The following CEP120 variants were observed in gnomAD, a reference collection of about 807,000 sequenced individuals.
CEP120 encodes the protein centrosomal protein 120.
Under a neutral mutation model 126.5 loss-of-function variants are expected in CEP120, and 113 were observed. The observed-to-expected ratio is 0.89, with a 90% confidence interval of 0.77 to 1.04. CEP120 has a LOEUF of 1.04. Ranked by LOEUF, CEP120 falls within the 50% of genes least tolerant of loss-of-function variation. The pLI, the probability that CEP120 is intolerant of heterozygous loss-of-function variation, is 0.00. For synonymous variants in CEP120, 400 were observed against 394.3 expected (o/e 1.01, Z -0.17); for missense variants, 1,230 against 1,155.7 (o/e 1.06, Z -0.93).
chr5:123,413,914 C>G (rs12152983), intron 3 of CEP120, among the ~76,000 whole-genome samples: 61,287 of 151,996 alleles, frequency 0.4, 12,412 homozygotes, highest in East Asian at 0.47. Context: ...AAAAATAAAT[C>G]TGGATTTTTT....
chr5:123,380,387 T>C (rs1771553399), intron 14 of CEP120, among the ~76,000 whole-genome samples: 1 of 152,104 alleles, frequency 6.6e-6, no homozygotes, highest in Non-Finnish European at 1.5e-5. Flanking sequence ...CTTTATCATA[T>C]GACTAATTTG....
chr5:123,387,730 G>C (rs988669490), intron 9 of CEP120, among the ~76,000 whole-genome samples: 2 of 151,976 alleles, frequency 1.3e-5, no homozygotes, highest in African/African-American at 4.8e-5. Context: ...TTTATGAGGA[G>C]ATGCTAACTA....
intron 4 of CEP120, among the ~76,000 whole-genome samples, chr5:123,407,585 C>A (rs552954857): frequency 1.3e-5 from 2 of 152,202 alleles, no homozygotes; most frequent in South Asian, 2.1e-4. Context: ...ATACATGCAG[C>A]AAAAACTAAC....
At chr5:123,354,354 T>C (rs1769411976) in intron 18 of CEP120, among the ~76,000 whole-genome samples, 1 of 152,130 alleles carries the variant, frequency 6.6e-6, no homozygotes, top group Non-Finnish European at 1.5e-5. Flanking sequence ...CCATGTGCAC[T>C]AGAAAATAGT....
intron 1 of CEP120, 106 bp from the exon 2 acceptor site, chr5:123,418,621 G>A: frequency 1.1e-6 from 1 of 913,894 alleles, no homozygotes; most frequent in Non-Finnish European, 1.6e-6. Flanking sequence ...TTTTGAGATG[G>A]AGTCTTACTC....
In CEP120 at chr5:123,412,538, T is replaced by G. The variant is rs764578251; in HGVS notation, c.324A>C (p.Ala108=). ...TACTCAGCAACTGGTACCATTTTGGTGCCTAGAGAATAATAAAATAACAAA... is the reference window on the plus strand; with the variant it reads ...TACTCAGCAACTGGTACCATTTTGGGGCCTAGAGAATAATAAAATAACAAA... The part of the protein sequence containing the change: ...DLRTAQETKQ[A]PKWYQLLSNK... Residue 108 remains alanine, a splice_region_variant and synonymous_variant, in exon 4 of 20, where the codon GCA becomes GCC. Coordinates refer to ENST00000306467, the MANE Select transcript of CEP120 (RefSeq NM_001375405.1). The G allele has an allele frequency of 4.4e-6, 7 of 1,592,604 alleles. No homozygotes were observed. The South Asian group carries it at 5.8e-5, about 13-fold the overall frequency.
intron 1 of CEP120, 118 bp downstream of exon 1, chr5:123,422,832 G>T: frequency 2.0e-6 from 2 of 978,398 alleles, no homozygotes; most frequent in Non-Finnish European, 3.3e-6. Context: ...GAACAAGTCT[G>T]TGGGGACCAC....
At chr5:123,378,772 T>A (rs537579190) in intron 14 of CEP120, among the ~76,000 whole-genome samples, 1 of 152,194 alleles carries the variant, frequency 6.6e-6, no homozygotes, top group African/African-American at 2.4e-5. Flanking sequence ...GCATATGTAG[T>A]GTAAGCAACT....
intron 4 of CEP120, among the ~76,000 whole-genome samples, chr5:123,400,471 G>A (rs1417210372): frequency 1.3e-5 from 2 of 152,056 alleles, no homozygotes; most frequent in African/African-American, 2.4e-5. Flanking sequence ...ACAGGGAAGG[G>A]AGTTACAAAT....
At chr5:123,374,083 A>T (rs1157245005) in intron 16 of CEP120, among the ~76,000 whole-genome samples, 1 of 152,114 alleles carries the variant, frequency 6.6e-6, no homozygotes, top group African/African-American at 2.4e-5. Flanking sequence ...AATAAAAATA[A>T]GCTCAATTTT....
intron 4 of CEP120, chr5:123,402,096 T>C (rs1773288343): frequency 6.3e-7 from 1 of 1,575,040 alleles, no homozygotes; most frequent in African/African-American, 1.3e-5. Context: ...AGCCTGGATG[T>C]CGGGGTCCAC....
chr5:123,385,675 G>A (rs1263119881), intron 10 of CEP120, among the ~76,000 whole-genome samples: 1 of 150,440 alleles, frequency 6.6e-6, no homozygotes, highest in Non-Finnish European at 1.5e-5. Flanking sequence ...GCTGTGCAAT[G>A]GCATAATCAC....
At chr5:123,373,867 T>C (rs1345388109) in intron 16 of CEP120, among the ~76,000 whole-genome samples, 1 of 152,092 alleles carries the variant, frequency 6.6e-6, no homozygotes, top group Non-Finnish European at 1.5e-5. Flanking sequence ...CTGCTGATTC[T>C]GCTCCAGATC....
chr5:123,381,103 T>C (rs17473944), intron 14 of CEP120, among the ~76,000 whole-genome samples: 32,766 of 152,120 alleles, frequency 0.22, 3,831 homozygotes, highest in Middle Eastern at 0.27. Flanking sequence ...AAAAGACAAA[T>C]GGCCCTCCTT....
intron 18 of CEP120, among the ~76,000 whole-genome samples, chr5:123,358,849 T>C (rs1242443632): frequency 6.6e-6 from 1 of 152,000 alleles, no homozygotes; most frequent in Admixed American, 6.6e-5. Context: ...TACACTAGAC[T>C]AAACAGCGGC....
rs1448907990 is a variant in CEP120 at position 123,372,733 on chromosome 5, CTT to C, written c.2396_2397del (p.Lys799ArgfsTer20). 1 of 1,607,022 alleles carries C rather than the reference CTT, an allele frequency of 6.2e-7. No homozygotes were observed. The highest frequency in any genetic ancestry group is 1.3e-5 in the African/African-American group (1 of 74,478). On this transcript the variant is annotated frameshift_variant, in exon 17 of 20. Coordinates refer to ENST00000306467, the MANE Select transcript of CEP120 (RefSeq NM_001375405.1). LOFTEE classifies it high-confidence loss of function. ...DAENKYKILE[K>X]EFQQFKDQQN... ...TGCTGGTCCTTGAACTGTTGGAACT[CTT>C]TTTCCAAAATCTTATACTTATTTTC...
intron 4 of CEP120, chr5:123,401,907 T>C (rs1053853182): frequency 6.4e-7 from 1 of 1,556,310 alleles, no homozygotes; most frequent in African/African-American, 1.3e-5. Context: ...CCGCCTAAGG[T>C]TGTTGATGTA....
intron 1 of CEP120, chr5:123,422,566 C>T (rs1042949780): frequency 2.6e-6 from 4 of 1,534,560 alleles, no homozygotes; most frequent in African/African-American, 1.4e-5. Flanking sequence ...CTTCTGGAAT[C>T]GCAGGAAGCC....
chr5:123,422,331 G>A (rs933264509), intron 1 of CEP120: 10 of 614,250 alleles, frequency 1.6e-5, no homozygotes, highest in Non-Finnish European at 2.8e-5. Flanking sequence ...ACATCCTGAT[G>A]AATTATTTGC....
Sources: allele counts gnomAD v4.1 joint callset (sites outside exome capture counted in the v4.1 genomes callset), GRCh38; gene constraint gnomAD v4.1.1; transcripts MANE v1.5; gene names NCBI Gene and HGNC (gene_info 2026-07-23, HGNC 2026-07-21).